SCHIP1: variants seen among roughly 807,000 people sequenced by gnomAD.
SCHIP1 encodes schwannomin interacting protein 1.
A neutral mutation model predicts 29.7 loss-of-function variants in SCHIP1; 8 were observed. The observed-to-expected ratio is 0.27, with a 90% CI of 0.16 to 0.49. SCHIP1 has a LOEUF of 0.49. Ranked by LOEUF, SCHIP1 falls within the 20% of genes least tolerant of loss-of-function variation. The pLI, the probability that SCHIP1 is intolerant of heterozygous loss-of-function variation, is 0.99. For missense variants in SCHIP1, 193 were observed against 294.6 expected, an observed-to-expected ratio of 0.66 and a Z score of 2.52; for synonymous variants, 76 against 94.9, an observed-to-expected ratio of 0.80 and a Z score of 1.16.
At chr3:159,678,359 T>C in the SCHIP1 span, among the ~76,000 whole-genome samples, 1 of 152,320 alleles carries the variant, frequency 6.6e-6, no homozygotes, top group African/African-American at 2.4e-5. Flanking sequence ...CCCTTCTTAC[T>C]ATTTCAAGTA....
chr3:159,808,914 G>A, the SCHIP1 span, among the ~76,000 whole-genome samples: 46 of 151,658 alleles, frequency 3.0e-4, no homozygotes, highest in East Asian at 8.1e-3. Flanking sequence ...CTGAGATGGC[G>A]CCATTGCATT....
At chr3:159,410,559 A>G in the SCHIP1 span, among the ~76,000 whole-genome samples, 1 of 152,202 alleles carries the variant, frequency 6.6e-6, no homozygotes, top group Non-Finnish European at 1.5e-5. Flanking sequence ...AGAGAAATGC[A>G]AATCAAAACT....
chr3:159,431,764 G>C, the SCHIP1 span, among the ~76,000 whole-genome samples: 1 of 151,094 alleles, frequency 6.6e-6, no homozygotes, highest in Non-Finnish European at 1.5e-5. Context: ...AGCTGAGATC[G>C]GGCCACTGCA....
At chr3:159,398,856 T>G in the SCHIP1 span, 1 of 354,428 alleles carries the variant, frequency 2.8e-6, no homozygotes, top group African/African-American at 2.2e-5. Context: ...TTTGTTCATG[T>G]TGAGTTTTAG....
chr3:159,464,419 A>C, the SCHIP1 span, among the ~76,000 whole-genome samples: 2 of 152,198 alleles, frequency 1.3e-5, no homozygotes, highest in Admixed American at 6.6e-5. Flanking sequence ...TAGATCTGGC[A>C]CTAAATGTTT....
the SCHIP1 span, among the ~76,000 whole-genome samples, chr3:159,504,389 G>T: frequency 6.6e-6 from 1 of 152,246 alleles, no homozygotes. Flanking sequence ...AATTTTAACA[G>T]ATCATGGTGG....
At chr3:159,284,118 A>G in the SCHIP1 span, among the ~76,000 whole-genome samples, 1 of 152,266 alleles carries the variant, frequency 6.6e-6, no homozygotes, top group African/African-American at 2.4e-5. Flanking sequence ...TAGCATGGTA[A>G]TTACATGTTC....
the SCHIP1 span, among the ~76,000 whole-genome samples, chr3:159,825,576 G>A: frequency 1.9e-4 from 29 of 152,140 alleles, no homozygotes; most frequent in Admixed American, 1.7e-3. Flanking sequence ...TCCTGCCCTC[G>A]ATCCCAAGGC....
the SCHIP1 span, among the ~76,000 whole-genome samples, chr3:159,559,589 A>G: frequency 6.6e-6 from 1 of 152,236 alleles, no homozygotes; most frequent in Non-Finnish European, 1.5e-5. Context: ...TCTTAAGTGT[A>G]TATCTGCTAA....
the SCHIP1 span, among the ~76,000 whole-genome samples, chr3:159,313,143 G>C: frequency 6.6e-6 from 1 of 152,066 alleles, no homozygotes. Flanking sequence ...GCATATAATG[G>C]AGTTAACAAC....
chr3:159,869,114 A>G (rs1714959147), intron 2 of SCHIP1, among the ~76,000 whole-genome samples: 1 of 152,050 alleles, frequency 6.6e-6, no homozygotes, highest in Non-Finnish European at 1.5e-5. Flanking sequence ...TCATCAACTT[A>G]TCGAAGTTCT....
the SCHIP1 span, among the ~76,000 whole-genome samples, chr3:159,527,454 G>C: frequency 6.6e-6 from 1 of 152,146 alleles, no homozygotes; most frequent in South Asian, 2.1e-4. Context: ...CTGCGCCACG[G>C]TGACACTAAG....
At chr3:159,852,747 G>A (rs530091716) in intron 1 of SCHIP1, among the ~76,000 whole-genome samples, 8 of 152,106 alleles carry the variant, frequency 5.3e-5, no homozygotes, top group Non-Finnish European at 1.2e-4. Flanking sequence ...TACCAGATGA[G>A]ACTTTTACAT....
the SCHIP1 span, among the ~76,000 whole-genome samples, chr3:159,459,199 G>A: frequency 3.3e-5 from 5 of 152,084 alleles, no homozygotes; most frequent in Non-Finnish European, 5.9e-5. Context: ...TTTCTTAGAA[G>A]TCCTCATGCT....
chr3:159,546,909 C>T, the SCHIP1 span, among the ~76,000 whole-genome samples: 10 of 152,072 alleles, frequency 6.6e-5, no homozygotes, highest in South Asian at 2.1e-4. Flanking sequence ...TATAGTAAAA[C>T]AATTTATAAT....
At chr3:159,650,691 T>C in the SCHIP1 span, among the ~76,000 whole-genome samples, 1 of 152,214 alleles carries the variant, frequency 6.6e-6, no homozygotes, top group South Asian at 2.1e-4. Context: ...AAGTGGAACC[T>C]GTCTACATGT....
chr3:159,528,488 T>G, the SCHIP1 span, among the ~76,000 whole-genome samples: 4 of 152,188 alleles, frequency 2.6e-5, no homozygotes, highest in African/African-American at 4.8e-5. Flanking sequence ...GTGGCGACTC[T>G]ACTTGCACTC....
the SCHIP1 span, among the ~76,000 whole-genome samples, chr3:159,767,744 C>T: frequency 1.2e-4 from 19 of 152,112 alleles, no homozygotes; most frequent in Non-Finnish European, 1.5e-5. Context: ...CTCACCAGCT[C>T]AGAGAAGCTG....
At chr3:159,840,729 G>A (rs996253047) in intron 1 of SCHIP1, among the ~76,000 whole-genome samples, 3 of 152,126 alleles carry the variant, frequency 2.0e-5, no homozygotes, top group African/African-American at 7.2e-5. Flanking sequence ...GTGTCTTTCC[G>A]AACTTATTTT....
Sources: gnomAD v4.1 joint callset for allele counts (sites outside exome capture counted in the v4.1 genomes callset) on GRCh38, gnomAD v4.1.1 for gene constraint, MANE v1.5 for transcripts, NCBI Gene and HGNC (gene_info 2026-07-23, HGNC 2026-07-21) for gene names.